Variants in CNTLN observed in about 807,000 individuals in gnomAD.
CNTLN encodes centlein.
A neutral mutation model predicts 180.0 loss-of-function variants in CNTLN; 212 were observed. That is an observed-to-expected ratio of 1.18 (90% CI 1.05 to 1.32). CNTLN has a LOEUF of 1.32. Among genes scored for constraint, CNTLN ranks in the 40% most tolerant of loss-of-function variants. The pLI, the probability that CNTLN is intolerant of heterozygous loss-of-function variation, is 0.00. For missense variants in CNTLN, 2,095 were observed against 1,610.9 expected (o/e 1.30, Z -5.14); for synonymous variants, 722 against 563.1 (o/e 1.28, Z -3.99).
rs577571672 is a variant in CNTLN at position 17,166,977 on chromosome 9, A to G, written c.449+23601A>G. On this transcript the variant is annotated intron_variant, in intron 2 of 25. Coordinates refer to ENST00000380647, the MANE Select transcript of CNTLN (RefSeq NM_017738.4). ...GAAGACTTGGTAGCAGTAGTTCTCA[A>G]TGAAGCAGGACTACAGCAGTTCTTT... 10 of 415,316 alleles carry G rather than the reference A, an allele frequency of 2.4e-5. No individual in the cohort carries two copies. In the East Asian group the frequency reaches 4.4e-4, roughly 18 times the overall value. 25.7% of individuals were successfully genotyped at this position (415,316 alleles called of 1,614,324 possible). A position where few individuals can be genotyped will look rare whatever the true frequency, so the allele number is the denominator to read the frequency against.
chr9:17,339,538 C>T (rs1821309534), intron 10 of CNTLN, among the ~76,000 whole-genome samples: 1 of 152,202 alleles, frequency 6.6e-6, no homozygotes, highest in Non-Finnish European at 1.5e-5. Context: ...ATGCCACTAA[C>T]AGGAGCAAGC....
chr9:17,315,367 G>T (rs966552477), intron 8 of CNTLN, among the ~76,000 whole-genome samples: 30 of 152,034 alleles, frequency 2.0e-4, no homozygotes, highest in African/African-American at 7.2e-4. Context: ...AACTTTAACA[G>T]TAGTGTGTCC....
chr9:17,285,153 C>A (rs982792589), intron 6 of CNTLN, among the ~76,000 whole-genome samples: 1 of 110,368 alleles, frequency 9.1e-6, no homozygotes, highest in Non-Finnish European at 1.8e-5. Flanking sequence ...ATCCCTCCCC[C>A]CTCCCCCCAC....
At chr9:17,192,241 T>TC (rs1172925796) in intron 2 of CNTLN, among the ~76,000 whole-genome samples, 1 of 131,036 alleles carries the variant, frequency 7.6e-6, no homozygotes. Flanking sequence ...GCCCTATTCT[T>TC]TTTTTTTTTT....
At chr9:17,290,684 G>A (rs2990666) in intron 6 of CNTLN, among the ~76,000 whole-genome samples, 3 of 149,704 alleles carry the variant, frequency 2.0e-5, no homozygotes, top group Non-Finnish European at 4.5e-5. Context: ...AGGACCCTCC[G>A]AGCCAGGTGT....
intron 7 of CNTLN, chr9:17,302,004 C>G: frequency 1.0e-6 from 1 of 981,258 alleles, no homozygotes; most frequent in African/African-American, 1.8e-5. Flanking sequence ...ATTTGTTTTA[C>G]TATTGTAAAT....
chr9:17,526,960 T>C, the CNTLN span, among the ~76,000 whole-genome samples: 28 of 152,164 alleles, frequency 1.8e-4, no homozygotes, highest in African/African-American at 6.7e-4. Flanking sequence ...TCACTGCAAC[T>C]TCCGCCTCCT....
intron 13 of CNTLN, among the ~76,000 whole-genome samples, chr9:17,382,474 C>T (rs1013004048): frequency 6.6e-6 from 1 of 152,084 alleles, no homozygotes; most frequent in African/African-American, 2.4e-5. Flanking sequence ...TTCAGGTTTT[C>T]TCCAATAAAG....
the CNTLN span, among the ~76,000 whole-genome samples, chr9:17,511,579 T>C: frequency 6.6e-5 from 10 of 151,956 alleles, no homozygotes; most frequent in South Asian, 4.2e-4. Flanking sequence ...TTGGTTGGAG[T>C]CTGTCCTCAG....
chr9:17,352,354 T>C (rs1196046505), intron 12 of CNTLN, among the ~76,000 whole-genome samples: 3 of 149,934 alleles, frequency 2.0e-5, no homozygotes, highest in African/African-American at 4.9e-5. Flanking sequence ...ATTTTTTTCC[T>C]CTGCAAAGCA....
At chr9:17,277,184 C>G (rs1828367172) in intron 6 of CNTLN, among the ~76,000 whole-genome samples, 3 of 98,400 alleles carry the variant, frequency 3.0e-5, no homozygotes, top group African/African-American at 8.1e-5. Flanking sequence ...TGAACTCTAC[C>G]TCAAATGATT....
intron 2 of CNTLN, among the ~76,000 whole-genome samples, chr9:17,220,708 C>G (rs918125842): frequency 6.6e-6 from 1 of 152,128 alleles, no homozygotes; most frequent in Admixed American, 6.6e-5. Context: ...TTGATTTTCT[C>G]TACCTGCATT....
intron 6 of CNTLN, among the ~76,000 whole-genome samples, chr9:17,291,481 G>A (rs1271415305): frequency 6.6e-6 from 1 of 152,138 alleles, no homozygotes; most frequent in African/African-American, 2.4e-5. Context: ...TTATGAATCT[G>A]GGTGCTCCTG....
chr9:17,360,639 T>A (rs113433211), intron 12 of CNTLN, among the ~76,000 whole-genome samples: 1 of 152,144 alleles, frequency 6.6e-6, no homozygotes, highest in Non-Finnish European at 1.5e-5. Context: ...TAGGAGAAGG[T>A]TCAGGAGAGT....
intron 5 of CNTLN, among the ~76,000 whole-genome samples, chr9:17,245,000 A>C (rs1825717748): frequency 6.6e-6 from 1 of 152,018 alleles, no homozygotes; most frequent in Non-Finnish European, 1.5e-5. Context: ...ATTCTACTGT[A>C]TTATGTTTTG....
intron 8 of CNTLN, among the ~76,000 whole-genome samples, chr9:17,311,091 C>G (rs1819100748): frequency 6.6e-6 from 1 of 151,886 alleles, no homozygotes; most frequent in Non-Finnish European, 1.5e-5. Context: ...ATGGTGCGAT[C>G]TCAGCTCATT....
intron 23 of CNTLN, among the ~76,000 whole-genome samples, chr9:17,473,733 A>G (rs1292903207): frequency 8.6e-5 from 13 of 152,032 alleles, no homozygotes; most frequent in Admixed American, 8.5e-4. Context: ...CTTATCTTCC[A>G]TTCTGTTTTG....
intron 18 of CNTLN, among the ~76,000 whole-genome samples, chr9:17,422,408 A>T (rs1347294356): frequency 1.3e-5 from 2 of 152,126 alleles, no homozygotes; most frequent in Non-Finnish European, 2.9e-5. Flanking sequence ...ACCCTCTGAT[A>T]CGTGAATTAT....
intron 6 of CNTLN, among the ~76,000 whole-genome samples, chr9:17,275,728 C>G (rs1427922114): frequency 2.0e-5 from 3 of 151,960 alleles, no homozygotes; most frequent in Non-Finnish European, 4.4e-5. Context: ...ATTGCAAGAG[C>G]TGTAAGTTAT....
Sources: allele counts gnomAD v4.1 joint callset (sites outside exome capture counted in the v4.1 genomes callset), GRCh38; gene constraint gnomAD v4.1.1; transcripts MANE v1.5; gene names NCBI Gene and HGNC (gene_info 2026-07-23, HGNC 2026-07-21).